DLG2: variants seen among roughly 807,000 people sequenced by gnomAD.
DLG2 encodes the protein disks large homolog 2.
In DLG2, 45 loss-of-function variants were observed where a neutral mutation model predicts 132.5. The observed-to-expected ratio is 0.34, with a 90% CI of 0.27 to 0.44. The LOEUF (loss-of-function observed/expected upper bound fraction) is 0.44, where lower values mean the gene tolerates loss of function less well. Among genes scored for constraint, DLG2 ranks in the 20% least tolerant of loss-of-function variants. The pLI, the probability that DLG2 is intolerant of heterozygous loss-of-function variation, is 1.00. For synonymous variants in DLG2, 424 were observed against 419.6 expected (o/e 1.01, Z -0.13); for missense variants, 1,045 against 1,196.9 (o/e 0.87, Z 1.87).
chr11:84,341,095 G>T (rs1600215036), intron 7 of DLG2, among the ~76,000 whole-genome samples: 1 of 152,106 alleles, frequency 6.6e-6, no homozygotes, highest in Non-Finnish European at 1.5e-5. Context: ...CGTAAGTGGG[G>T]GATTCAGGCT....
chr11:83,522,817 T>TC (rs2095517367), intron 21 of DLG2, among the ~76,000 whole-genome samples: 2 of 90,370 alleles, frequency 2.2e-5, no homozygotes, highest in African/African-American at 8.4e-5. Context: ...CCCCCCCCCT[T>TC]TTTTTTTTAA....
chr11:85,152,445 G>T (rs1325904138), intron 5 of DLG2, among the ~76,000 whole-genome samples: 2 of 151,948 alleles, frequency 1.3e-5, no homozygotes, highest in Non-Finnish European at 2.9e-5. Flanking sequence ...CACCATGTTG[G>T]CCAGGCTGGT....
intron 4 of DLG2, among the ~76,000 whole-genome samples, chr11:85,259,088 C>T (rs1431659268): frequency 6.6e-6 from 1 of 152,014 alleles, no homozygotes; most frequent in Non-Finnish European, 1.5e-5. Context: ...TTGTATGTCC[C>T]CACCCAAATC....
chr11:84,001,779 CAA>C (rs2154046589), intron 11 of DLG2, among the ~76,000 whole-genome samples: 1 of 152,132 alleles, frequency 6.6e-6, no homozygotes, highest in East Asian at 1.9e-4. Flanking sequence ...AAATCAATAA[CAA>C]GAGCAACTTT....
chr11:83,795,249 CA>C (rs1387807682), intron 17 of DLG2, among the ~76,000 whole-genome samples: 2 of 150,528 alleles, frequency 1.3e-5, no homozygotes, highest in East Asian at 1.9e-4. Context: ...ACTAAAAATA[CA>C]AAAAAAAATT....
At chr11:84,797,004 C>A (rs374472089) in intron 6 of DLG2, among the ~76,000 whole-genome samples, 1 of 151,832 alleles carries the variant, frequency 6.6e-6, no homozygotes, top group Non-Finnish European at 1.5e-5. Flanking sequence ...CATCACCACA[C>A]CTGGCTAATT....
At chr11:83,631,167 C>CTTTTTTTTTTTTTTTTTTTTTTTTTTT (rs57696126) in intron 19 of DLG2, 7 of 91,658 alleles carry the variant, frequency 7.6e-5, no homozygotes, top group South Asian at 3.9e-4. Flanking sequence ...TTGCTTCTTG[C>CTTTTTTTTTTTTTTTTTTTTTTTTTTT]TTTTTTTTTT....
chr11:84,254,378 A>G (rs990768063), intron 7 of DLG2, among the ~76,000 whole-genome samples: 1 of 152,138 alleles, frequency 6.6e-6, no homozygotes, highest in Non-Finnish European at 1.5e-5. Flanking sequence ...TTCCAAGAAG[A>G]CTGTATGTCT....
chr11:85,506,653 G>T (rs866758401), intron 3 of DLG2, among the ~76,000 whole-genome samples: 13 of 148,180 alleles, frequency 8.8e-5, no homozygotes, highest in Admixed American at 2.7e-4. Flanking sequence ...GGTTAATTTT[G>T]GAATAAGTGC....
chr11:85,061,759 T>C (rs1380142574), intron 6 of DLG2, among the ~76,000 whole-genome samples: 5 of 151,954 alleles, frequency 3.3e-5, no homozygotes, highest in Non-Finnish European at 7.4e-5. Context: ...ATTTTTATTT[T>C]AGTGAATAGA....
intron 6 of DLG2, among the ~76,000 whole-genome samples, chr11:84,903,161 T>C (rs1445053652): frequency 2.0e-5 from 3 of 152,130 alleles, no homozygotes; most frequent in Admixed American, 1.3e-4. Flanking sequence ...ATTAAACTGG[T>C]GATACTATAA....
chr11:84,748,164 T>G (rs1413205747), intron 6 of DLG2, among the ~76,000 whole-genome samples: 1 of 152,192 alleles, frequency 6.6e-6, no homozygotes, highest in Admixed American at 6.6e-5. Context: ...AAATCATGTG[T>G]GAGAAATCTG....
chr11:84,896,525 T>C (rs1241237890), intron 6 of DLG2, among the ~76,000 whole-genome samples: 1 of 152,084 alleles, frequency 6.6e-6, no homozygotes, highest in African/African-American at 2.4e-5. Flanking sequence ...ATAGTAATTG[T>C]ATCAATAATA....
chr11:83,570,474 T>C (rs1380280476), intron 19 of DLG2, among the ~76,000 whole-genome samples: 2 of 152,184 alleles, frequency 1.3e-5, no homozygotes, highest in Non-Finnish European at 2.9e-5. Context: ...AAAACACATA[T>C]TCTCATCAAA....
Position 83,541,741 on chromosome 11 carries a change from G to A in DLG2, c.2058C>T (p.Ala686=), listed in dbSNP as rs2096072794. 9.3e-6 allele frequency: 15 copies of A among 1,613,016 alleles called. No homozygotes were observed. Among genetic ancestry groups the A allele is most frequent in the Non-Finnish European group, 1.3e-5 (15 of 1,179,408 alleles). ...INASDDEWWQ[A]RRVMLEGDSE... ...TGTCTCCCTCCAGCATGACTCTCCT[G>A]GCTTGCCACCACTCATCATCAGAGG... The change falls in exon 20 of 28, where the codon GCC becomes GCT. Residue 686 remains alanine (A), a synonymous_variant. Coordinates refer to ENST00000376104, the MANE Select transcript of DLG2 (RefSeq NM_001142699.3).
chr11:83,688,191 GTTTGAA>G (rs1268185682), intron 18 of DLG2, among the ~76,000 whole-genome samples: 2 of 152,106 alleles, frequency 1.3e-5, no homozygotes. Context: ...CAACGAATTT[GTTTGAA>G]TTTAACAATA....
chr11:84,017,831 G>A (rs1430650555), intron 11 of DLG2, among the ~76,000 whole-genome samples: 3 of 151,970 alleles, frequency 2.0e-5, no homozygotes, highest in Non-Finnish European at 2.9e-5. Flanking sequence ...ACTGTTCTAA[G>A]CACTTTAACT....
intron 6 of DLG2, among the ~76,000 whole-genome samples, chr11:84,541,362 C>T (rs994578660): frequency 6.6e-6 from 1 of 151,898 alleles, no homozygotes; most frequent in Admixed American, 6.6e-5. Flanking sequence ...AATTCTATCC[C>T]CGTCCCCGTT....
At chr11:85,467,615 T>C (rs2092836028) in intron 3 of DLG2, among the ~76,000 whole-genome samples, 1 of 152,230 alleles carries the variant, frequency 6.6e-6, no homozygotes, top group Non-Finnish European at 1.5e-5. Flanking sequence ...ATTACATTTA[T>C]TGATTTGCGT....
Sources: allele counts gnomAD v4.1 joint callset (sites outside exome capture counted in the v4.1 genomes callset), GRCh38; gene constraint gnomAD v4.1.1; transcripts MANE v1.5; gene names NCBI Gene and HGNC (gene_info 2026-07-23, HGNC 2026-07-21).